The following SLC30A10 variants were observed in gnomAD, a reference collection of about 807,000 sequenced individuals.
SLC30A10 encodes calcium/manganese antiporter SLC30A10.
In SLC30A10, 8 loss-of-function variants were observed where a neutral mutation model predicts 21.7. That is an observed-to-expected ratio of 0.37 (90% CI 0.22 to 0.67). The LOEUF (loss-of-function observed/expected upper bound fraction) is 0.67. SLC30A10 is among the 30% of genes least tolerant of loss of function. The probability of loss-of-function intolerance (pLI) is 0.58; values close to 1 mark genes in which losing one functional copy is unlikely to be tolerated. For missense variants in SLC30A10, 521 were observed against 642.5 expected, an observed-to-expected ratio of 0.81 and a Z score of 2.04; for synonymous variants, 272 against 279.4, an observed-to-expected ratio of 0.97 and a Z score of 0.26.
At chr1:219,917,933 G>C (rs550008556) in intron 3 of SLC30A10, among the ~76,000 whole-genome samples, 1 of 152,086 alleles carries the variant, frequency 6.6e-6, no homozygotes, top group South Asian at 2.1e-4. Context: ...GTCTGGTCTT[G>C]AACTTCTGAC....
rs964575538 is a variant in SLC30A10, at chr1:219,911,381, T to A, written c.*4068A>T. Among the ~76,000 whole-genome samples, 1 of 151,996 alleles carries A rather than the reference T, an allele frequency of 6.6e-6. No homozygotes were observed. Among genetic ancestry groups the A allele is most frequent in the Non-Finnish European group, 1.5e-5 (1 of 67,998 alleles). The stretch of plus-strand genomic sequence containing the variant: ...CAGGAACTAAGAAGAATTAACATCA[T>A]CAAGTTTAAAATCGATCATTTTAAA... On this transcript the variant is annotated 3_prime_UTR_variant, in exon 4 of 4. Transcript: ENST00000366926.
chr1:219,920,495 G>A (rs1659652552), intron 2 of SLC30A10, among the ~76,000 whole-genome samples: 1 of 152,024 alleles, frequency 6.6e-6, no homozygotes, highest in Non-Finnish European at 1.5e-5. Context: ...TGAGGATCAG[G>A]GCCATACTCC....
At chr1:219,916,085 T>C in intron 3 of SLC30A10, 137 bp from the exon 4 acceptor site, 2 of 1,080,870 alleles carry the variant, frequency 1.9e-6, no homozygotes, top group South Asian at 1.6e-5. Flanking sequence ...AAGAAATTAG[T>C]TCTACCTCTG....
intron 3 of SLC30A10, among the ~76,000 whole-genome samples, chr1:219,917,837 A>T (rs951090789): frequency 2.3e-4 from 35 of 149,370 alleles, no homozygotes; most frequent in Admixed American, 6.7e-5. Context: ...CAGCCTCCCG[A>T]GTAGTTGGGA....
chr1:219,933,513 C>T (rs1271990892), upstream of SLC30A10, among the ~76,000 whole-genome samples: 4 of 152,176 alleles, frequency 2.6e-5, no homozygotes, highest in South Asian at 2.1e-4. Flanking sequence ...CTGGGGGACA[C>T]GTTCCTTACT....
At chr1:219,952,463 A>G (rs919089696) in intron 1 of SLC30A10, among the ~76,000 whole-genome samples, 1 of 152,096 alleles carries the variant, frequency 6.6e-6, no homozygotes, top group Admixed American at 6.6e-5. Context: ...ACAGTCCATA[A>G]CTGTTTTCCT....
chr1:219,943,367 C>G (rs1481698841), intron 1 of SLC30A10, among the ~76,000 whole-genome samples: 2 of 152,178 alleles, frequency 1.3e-5, no homozygotes, highest in African/African-American at 4.8e-5. Flanking sequence ...ACCTGCTCAG[C>G]ACTAATGAAG....
At position 219,928,357 on chromosome 1, in the gene SLC30A10, G is replaced by T; in HGVS notation, c.84C>A (p.Ser28=). The part of the protein sequence containing the change: ...TVAFFVAELV[S]GYLGNSIALL... ...GCGCGATGGAGTTGCCCAGGTAGCCGGAGACCAGCTCCGCCACGAAGAAGG... is the reference window on the plus strand; with the variant it reads ...GCGCGATGGAGTTGCCCAGGTAGCCTGAGACCAGCTCCGCCACGAAGAAGG... The change falls in exon 1 of 4, where the codon TCC becomes TCA. Residue 28 remains serine (S), a synonymous_variant. Transcript: ENST00000366926. The surrounding 1 kb of genome is among the most constrained non-coding windows in gnomAD (Gnocchi z 6.3). 2 of 1,613,386 alleles carry T rather than the reference G, an allele frequency of 1.2e-6. No homozygotes were observed. Among genetic ancestry groups the T allele is most frequent in the South Asian group, 1.1e-5 (1 of 91,024 alleles).
chr1:219,917,219 G>A (rs1280988261), intron 3 of SLC30A10, among the ~76,000 whole-genome samples: 1 of 151,806 alleles, frequency 6.6e-6, no homozygotes, highest in Non-Finnish European at 1.5e-5. Context: ...TTGAACTCCT[G>A]GCCTTATGCA....
upstream of SLC30A10, among the ~76,000 whole-genome samples, chr1:219,931,744 G>A (rs1159006232): frequency 6.6e-6 from 1 of 152,140 alleles, no homozygotes; most frequent in Non-Finnish European, 1.5e-5. Context: ...ACCTCCTAAA[G>A]TGCTGGTATT....
rs1659397798 is a variant in SLC30A10, at chr1:219,911,092, C to T, written c.*4357G>A. ...ATAGAGCAGGCATGCAGTCCGCGATCATTCATCCAAACTCAAAATTCAAAT... is the reference window on the plus strand; with the variant it reads ...ATAGAGCAGGCATGCAGTCCGCGATTATTCATCCAAACTCAAAATTCAAAT... On this transcript the variant is annotated 3_prime_UTR_variant, in exon 4 of 4. Coordinates refer to ENST00000366926, the MANE Select transcript of SLC30A10 (RefSeq NM_018713.3). Among the ~76,000 whole-genome samples the T allele has an allele frequency of 7.1e-6, 1 of 140,230 alleles. No individual in the cohort carries two copies. Among genetic ancestry groups the T allele is most frequent in the Non-Finnish European group, 1.5e-5 (1 of 65,434 alleles). The allele number at this position is 140,230 out of a possible 152,430, so 92.0% of individuals were successfully genotyped here.
At chr1:219,948,273 T>C (rs1660217336) in intron 1 of SLC30A10, among the ~76,000 whole-genome samples, 1 of 150,396 alleles carries the variant, frequency 6.6e-6, no homozygotes, top group African/African-American at 2.4e-5. Flanking sequence ...TTAAAGTTCA[T>C]ATGGAACCAA....
At position 219,953,551 on chromosome 1, in the gene SLC30A10, C is replaced by G. The variant is rs1000844261; in HGVS notation, n.80+5017G>C. Among the ~76,000 whole-genome samples, 16 of 150,882 alleles carry G rather than the reference C, an allele frequency of 1.1e-4. No individual in the cohort carries two copies. In the South Asian group the frequency reaches 3.1e-3, roughly 30 times the overall value. On this transcript the variant is annotated intron_variant and non_coding_transcript_variant, in intron 1 of 8. Transcript: ENST00000484239. Reference sequence around the variant, plus strand: ...AGGGAGGCAGAGGTTATCGTGAGCCCGAGACTGTGCCACTGCACTCCAGAC... The same window carrying G: ...AGGGAGGCAGAGGTTATCGTGAGCCGGAGACTGTGCCACTGCACTCCAGAC...
At position 219,927,956 on chromosome 1, in the gene SLC30A10, C is replaced by A; in HGVS notation, c.485G>T (p.Cys162Phe). The A allele has an allele frequency of 6.5e-7, 1 of 1,544,732 alleles. No individual in the cohort carries two copies. Among genetic ancestry groups the A allele is most frequent in the Non-Finnish European group, 8.7e-7 (1 of 1,144,794 alleles). ...LQQRQQLAEG[C>F]VPGAFGGPQG... is the part of the protein sequence containing the mutation. ...AGGCCCCCCGAAAGCGCCGGGGACACAGCCCTCCGCCAGCTGCTGCCGCTG... is the reference window on the plus strand; with the variant it reads ...AGGCCCCCCGAAAGCGCCGGGGACAAAGCCCTCCGCCAGCTGCTGCCGCTG... Residue 162 changes from cysteine to phenylalanine, a missense_variant, in exon 1 of 4, where the codon TGT becomes TTT. Coordinates refer to ENST00000366926, the MANE Select transcript of SLC30A10 (RefSeq NM_018713.3).
At chr1:219,933,677 A>T (rs1660001815) in intron 1 of SLC30A10, among the ~76,000 whole-genome samples, 2 of 152,198 alleles carry the variant, frequency 1.3e-5, no homozygotes. Flanking sequence ...AAAAATAACC[A>T]TCACCTGGAG....
chr1:219,928,243 C>G lies in SLC30A10; in HGVS notation c.198G>C (p.Arg66=), dbSNP rs2102535683. The G allele has an allele frequency of 1.3e-6, 2 of 1,576,712 alleles. No homozygotes were observed. The highest frequency in any genetic ancestry group is 1.7e-6 in the Non-Finnish European group (2 of 1,161,966). Residue 66 remains arginine (R), a synonymous_variant, in exon 1 of 4, where the codon CGG becomes CGC. Coordinates refer to ENST00000366926, the MANE Select transcript of SLC30A10 (RefSeq NM_018713.3). This position sits in a 1 kb window ranked among gnomAD's most constrained non-coding sequence, Gnocchi z 6.3. ...SAGYIARRPT[R]GFSATYGYAR... ...CGTAGCCGTAGGTGGCGCTGAAGCC[C>G]CGGGTGGGGCGCCGGGCGATGTAGC...
rs1659415996 is a variant in SLC30A10, at chr1:219,911,560, T to A, written c.*3889A>T. ...ACCAAATGCTTTTTCTTCATTTCAT[T>A]TACTGTTATAATGACTGATGAGTAT... On this transcript the variant is annotated 3_prime_UTR_variant, in exon 4 of 4. Transcript: ENST00000366926. Among the ~76,000 whole-genome samples the A allele has an allele frequency of 6.6e-6, 1 of 152,136 alleles. No individual in the cohort carries two copies. Among genetic ancestry groups the A allele is most frequent in the African/African-American group, 2.4e-5 (1 of 41,422 alleles).
chr1:219,936,537 A>G (rs892929810), intron 1 of SLC30A10, among the ~76,000 whole-genome samples: 1 of 152,186 alleles, frequency 6.6e-6, no homozygotes, highest in African/African-American at 2.4e-5. Flanking sequence ...TGCCCTGATC[A>G]CAATGCTTGG....
chr1:219,926,387 A>C (rs1050926745), intron 2 of SLC30A10, among the ~76,000 whole-genome samples: 4 of 152,228 alleles, frequency 2.6e-5, no homozygotes, highest in African/African-American at 9.6e-5. Flanking sequence ...TCTATGCCCA[A>C]GAAGTTGGAA....
Sources: gnomAD v4.1 joint callset for allele counts (sites outside exome capture counted in the v4.1 genomes callset) on GRCh38, gnomAD v4.1.1 for gene constraint, Gnocchi (gnomAD v3.1) non-coding constraint, MANE v1.5 for transcripts, NCBI Gene and HGNC (gene_info 2026-07-23, HGNC 2026-07-21) for gene names.